The following PRUNE2 variants were observed in gnomAD, a reference collection of about 807,000 sequenced individuals.
PRUNE2 encodes the protein protein prune homolog 2.
A neutral mutation model predicts 252.0 loss-of-function variants in PRUNE2; 164 were observed. The ratio of observed to expected loss-of-function variants is 0.65; its 90% CI spans 0.57 to 0.74. The LOEUF is 0.74. Among genes scored for constraint, PRUNE2 ranks in the 30% least tolerant of loss-of-function variants. The pLI, the probability that PRUNE2 is intolerant of heterozygous loss-of-function variation, is 0.00. For missense variants in PRUNE2, 3,495 were observed against 3,711.0 expected, an observed-to-expected ratio of 0.94 and a Z score of 1.51; for synonymous variants, 1,292 against 1,350.2, an observed-to-expected ratio of 0.96 and a Z score of 0.94.
At chr9:76,734,353 G>A (rs779804487) in intron 6 of PRUNE2, among the ~76,000 whole-genome samples, 2 of 152,154 alleles carry the variant, frequency 1.3e-5, no homozygotes, top group Admixed American at 6.5e-5. Flanking sequence ...TAAGATCATC[G>A]AACCTACAGG....
intron 6 of PRUNE2, among the ~76,000 whole-genome samples, chr9:76,773,914 G>A (rs1486056782): frequency 6.6e-6 from 1 of 152,094 alleles, no homozygotes; most frequent in African/African-American, 2.4e-5. Flanking sequence ...GAATAAAGCA[G>A]GTAGAGAAAT....
At chr9:76,801,804 A>T (rs1296672174) in intron 6 of PRUNE2, among the ~76,000 whole-genome samples, 5 of 152,218 alleles carry the variant, frequency 3.3e-5, no homozygotes, top group African/African-American at 1.2e-4. Context: ...CAAAGCCATC[A>T]GTGCTGCGTA....
chr9:76,900,269 G>C (rs1180041231), intron 1 of PRUNE2, among the ~76,000 whole-genome samples: 1 of 152,168 alleles, frequency 6.6e-6, no homozygotes, highest in Non-Finnish European at 1.5e-5. Flanking sequence ...TGCAAAGTAG[G>C]CATCACTTAT....
chr9:76,714,916 C>A (rs2047018116), intron 6 of PRUNE2, among the ~76,000 whole-genome samples: 2 of 152,318 alleles, frequency 1.3e-5, no homozygotes, highest in South Asian at 4.1e-4. Flanking sequence ...ACATATATAT[C>A]TATCCTAGCA....
rs900269128 is a variant in PRUNE2 at position 76,889,032 on chromosome 9, G to A, written c.36+16896C>T. Among the ~76,000 whole-genome samples, 11 of 151,962 alleles carry A rather than the reference G, an allele frequency of 7.2e-5. No homozygotes were observed. The East Asian group carries it at 1.2e-3, about 16-fold the overall frequency. ...TAGTTTTTGTGTTTTTAGTAGAGAC[G>A]GGGTTTCACCATGTTGGCCAGGCTG... On this transcript the variant is annotated intron_variant, in intron 1 of 18. Transcript: ENST00000376718.
chr9:76,658,366 C>A (rs542076672), intron 9 of PRUNE2, among the ~76,000 whole-genome samples: 1 of 152,086 alleles, frequency 6.6e-6, no homozygotes, highest in African/African-American at 2.4e-5. Context: ...CCCACTCCCC[C>A]CCAAAAAGAA....
chr9:76,734,380 T>C (rs563513675), intron 6 of PRUNE2, among the ~76,000 whole-genome samples: 3 of 152,318 alleles, frequency 2.0e-5, no homozygotes, highest in East Asian at 1.9e-4. Context: ...GATGGTGAGA[T>C]AGTGAAGTCA....
Position 76,652,605 on chromosome 9 carries a change from A to G in PRUNE2, c.8435T>C (p.Leu2812Pro). Residue 2812 changes from leucine (L) to proline (P), a missense_variant, in exon 11 of 19, where the codon CTG (leucine) becomes CCG (proline). Transcript: ENST00000376718. ...KLTAPNINLS[L>P]DQSEGSILSD... ...GAGAATAGATCCTTCACTTTGGTCC[A>G]GAGAAAGATTGATATTTGGGGCTGT... 1 of 1,613,176 alleles carries G rather than the reference A, an allele frequency of 6.2e-7. No individual in the cohort carries two copies. Among genetic ancestry groups the G allele is most frequent in the Non-Finnish European group, 8.5e-7 (1 of 1,179,192 alleles).
At position 76,706,918 on chromosome 9, in the gene PRUNE2, T is replaced by A; in HGVS notation, c.5356A>T (p.Lys1786Ter). 1 of 1,605,552 alleles carries A rather than the reference T, an allele frequency of 6.2e-7. No homozygotes were observed. Among genetic ancestry groups the A allele is most frequent in the South Asian group, 1.1e-5 (1 of 89,706 alleles). ...GTCCCTGTTTCTGGAGAAGATCTCT[T>A]CTCCTTCTCCACTGCTGTAATCTGC... ...EMQITAVEKE[K>*]RSSPETGTTG... is the part of the protein sequence containing the mutation. The change falls in exon 8 of 19, where the codon AAG becomes TAG. Residue 1786 changes from lysine (K) to a stop codon, truncating the protein, a stop_gained. Transcript: ENST00000376718. LOFTEE classifies it high-confidence loss of function.
chr9:76,881,751 AG>A (rs2061799720), intron 1 of PRUNE2, among the ~76,000 whole-genome samples: 1 of 151,894 alleles, frequency 6.6e-6, no homozygotes, highest in African/African-American at 2.4e-5. Flanking sequence ...CCTCCCGAGT[AG>A]CTGGGACTAC....
At chr9:76,837,949 T>C (rs999714430) in intron 4 of PRUNE2, among the ~76,000 whole-genome samples, 2 of 151,834 alleles carry the variant, frequency 1.3e-5, no homozygotes, top group South Asian at 4.2e-4. Flanking sequence ...TTTTTTGTAT[T>C]TTTAGTAGAG....
At chr9:76,698,537 T>A (rs1376790578) in intron 9 of PRUNE2, among the ~76,000 whole-genome samples, 1 of 152,232 alleles carries the variant, frequency 6.6e-6, no homozygotes, top group Non-Finnish European at 1.5e-5. Flanking sequence ...AACTCACCTC[T>A]GAGAAACGGC....
Position 76,710,427 on chromosome 9 carries a change from A to C in PRUNE2, c.1847T>G (p.Leu616Ter). The C allele has an allele frequency of 1.2e-6, 2 of 1,613,944 alleles. No individual in the cohort carries two copies. Among genetic ancestry groups the C allele is most frequent in the East Asian group, 2.2e-5 (1 of 44,872 alleles). ...KRIPPTPMNSLVESSPSTEEP... is the reference protein window; with the variant it reads ...KRIPPTPMNS The stretch of plus-strand genomic sequence containing the variant: ...TTCAGTGGATGGCGAGCTTTCTACT[A>C]AACTATTCATGGGTGTTGGTGGGAT... Residue 616 changes from leucine (L) to a stop codon, truncating the protein, a stop_gained, in exon 8 of 19, where the codon TTA becomes TGA. Transcript: ENST00000376718. LOFTEE classifies it high-confidence loss of function.
At position 76,614,387 on chromosome 9, in the gene PRUNE2, TACAC is replaced by T; in HGVS notation, c.*179_*182del. 3.2e-6 allele frequency: 2 copies of T among 623,458 alleles called. No individual in the cohort carries two copies. The highest frequency in any genetic ancestry group is 5.6e-6 in the Non-Finnish European group (2 of 354,410). The allele number at this position is 623,458 out of a possible 1,614,324, so 38.6% of individuals were successfully genotyped here. ...GCACATAATTGGCAAAATAGGAAAG[TACAC>T]ACAATTTCATAAAATATCTTAAGAG... On this transcript the variant is annotated 3_prime_UTR_variant, in exon 19 of 19. Transcript: ENST00000376718.
intron 6 of PRUNE2, among the ~76,000 whole-genome samples, chr9:76,749,790 A>C (rs1382928323): frequency 6.6e-6 from 1 of 152,216 alleles, no homozygotes; most frequent in Non-Finnish European, 1.5e-5. Flanking sequence ...ATGTATGGAG[A>C]GCCACAGAAG....
At chr9:76,637,671 C>A in intron 13 of PRUNE2, 122 bp from the exon 14 acceptor site, 1 of 808,588 alleles carries the variant, frequency 1.2e-6, no homozygotes, top group South Asian at 1.9e-5. Flanking sequence ...TACCTCTTTA[C>A]CTTGGGAAGA....
At chr9:76,870,730 G>A (rs1037150492) in intron 1 of PRUNE2, among the ~76,000 whole-genome samples, 1 of 151,712 alleles carries the variant, frequency 6.6e-6, no homozygotes, top group African/African-American at 2.4e-5. Context: ...TTCCAGATGT[G>A]GTGGTAGGGG....
rs113948941 is a variant in PRUNE2, at chr9:76,858,615, G to A, written c.37-4407C>T. 2.6e-3 allele frequency among the ~76,000 whole-genome samples: 397 copies of A among 152,216 alleles called. 2 individuals carry two copies. The highest frequency in any genetic ancestry group is 8.8e-3 in the African/African-American group (366 of 41,508). On this transcript the variant is annotated intron_variant, in intron 1 of 18. Coordinates refer to ENST00000376718, the MANE Select transcript of PRUNE2 (RefSeq NM_015225.3). ...ACACACTGGGGCCTGTCAAGGGGTC[G>A]AAAGCAAGGGAAGGGATAGCATTAG...
At chr9:76,833,560 T>G (rs574880586) in intron 4 of PRUNE2, among the ~76,000 whole-genome samples, 1 of 151,784 alleles carries the variant, frequency 6.6e-6, no homozygotes, top group South Asian at 2.1e-4. Context: ...AGTCAGGAGA[T>G]CGAGACCATC....
Sources: gnomAD v4.1 joint callset for allele counts (sites outside exome capture counted in the v4.1 genomes callset) on GRCh38, gnomAD v4.1.1 for gene constraint, MANE v1.5 for transcripts, NCBI Gene and HGNC (gene_info 2026-07-23, HGNC 2026-07-21) for gene names.